CSMD1: variants seen among roughly 807,000 people sequenced by gnomAD.
CSMD1 encodes the protein CUB and sushi domain-containing protein 1.
A neutral mutation model predicts 417.5 loss-of-function variants in CSMD1; 213 were observed. The ratio of observed to expected loss-of-function variants is 0.51; its 90% confidence interval spans 0.46 to 0.57. CSMD1 has a LOEUF of 0.57. Ranked by LOEUF, CSMD1 falls within the 20% of genes least tolerant of loss-of-function variation. The pLI, the probability that CSMD1 is intolerant of heterozygous loss-of-function variation, is 0.00. For synonymous variants in CSMD1, 2,862 were observed against 1,736.8 expected (o/e 1.65, Z -16.11); for missense variants, 6,923 against 4,529.7 (o/e 1.53, Z -15.17).
At chr8:3,336,354 G>A (rs777178043) in intron 23 of CSMD1, among the ~76,000 whole-genome samples, 15 of 152,192 alleles carry the variant, frequency 9.9e-5, no homozygotes, top group Non-Finnish European at 1.6e-4. Flanking sequence ...CAAGAGACAT[G>A]TGTCACCTTC....
At chr8:4,958,134 A>G (rs1809243791) in intron 1 of CSMD1, among the ~76,000 whole-genome samples, 1 of 151,206 alleles carries the variant, frequency 6.6e-6, no homozygotes, top group South Asian at 2.1e-4. Context: ...TCCTGTCCTT[A>G]GAACATATGT....
intron 7 of CSMD1, among the ~76,000 whole-genome samples, chr8:3,693,550 A>T (rs1800371487): frequency 1.3e-5 from 2 of 152,166 alleles, no homozygotes; most frequent in Admixed American, 1.3e-4. Context: ...TGAGCCCTAC[A>T]ATGTCCCCAG....
At chr8:3,641,143 CG>C (rs1563224892) in intron 7 of CSMD1, among the ~76,000 whole-genome samples, 1 of 150,870 alleles carries the variant, frequency 6.6e-6, no homozygotes, top group African/African-American at 2.4e-5. Context: ...TCAGACAGAC[CG>C]GTTCTCTGAA....
At chr8:3,651,196 C>T (rs1038326224) in intron 7 of CSMD1, among the ~76,000 whole-genome samples, 2 of 152,170 alleles carry the variant, frequency 1.3e-5, no homozygotes, top group Non-Finnish European at 2.9e-5. Flanking sequence ...AATGTATTCT[C>T]AACACAGCTC....
chr8:2,994,673 A>C (rs1303281340), intron 54 of CSMD1, among the ~76,000 whole-genome samples: 2 of 152,238 alleles, frequency 1.3e-5, no homozygotes, highest in East Asian at 3.8e-4. Context: ...ACATAGAAAC[A>C]CACAGTAAAG....
At chr8:4,606,565 C>G (rs1800880706) in intron 2 of CSMD1, among the ~76,000 whole-genome samples, 1 of 152,298 alleles carries the variant, frequency 6.6e-6, no homozygotes, top group East Asian at 1.9e-4. Context: ...AAACACAGCA[C>G]TGTTCTCTCA....
chr8:4,235,615 G>A (rs927579462), intron 3 of CSMD1, among the ~76,000 whole-genome samples: 8 of 152,032 alleles, frequency 5.3e-5, no homozygotes, highest in Non-Finnish European at 7.4e-5. Flanking sequence ...TCATGACACT[G>A]GCCTGCTCAA....
chr8:3,343,040 A>C (rs1807765160), intron 23 of CSMD1, among the ~76,000 whole-genome samples: 1 of 152,120 alleles, frequency 6.6e-6, no homozygotes. Context: ...ATCAGATCTA[A>C]AATGTTGTAA....
At chr8:4,510,425 A>T (rs1440600449) in intron 2 of CSMD1, among the ~76,000 whole-genome samples, 2 of 125,012 alleles carry the variant, frequency 1.6e-5, no homozygotes, top group Non-Finnish European at 3.5e-5. Context: ...AAAAAAAAGC[A>T]AATACTTTGT....
At chr8:4,297,104 C>T (rs1439021485) in intron 3 of CSMD1, among the ~76,000 whole-genome samples, 3 of 151,530 alleles carry the variant, frequency 2.0e-5, no homozygotes, top group Non-Finnish European at 2.9e-5. Flanking sequence ...TCTAGAGCAT[C>T]GTAGGTGTAA....
intron 10 of CSMD1, among the ~76,000 whole-genome samples, chr8:3,526,210 T>C (rs539046525): frequency 6.6e-6 from 1 of 152,280 alleles, no homozygotes; most frequent in East Asian, 1.9e-4. Context: ...ATCATAAGAC[T>C]ACATCGTTTT....
chr8:3,596,153 G>C (rs893282718), intron 8 of CSMD1, among the ~76,000 whole-genome samples: 2 of 152,194 alleles, frequency 1.3e-5, no homozygotes, highest in Non-Finnish European at 2.9e-5. Context: ...ACAGTGAGGA[G>C]TGTCGGAGGC....
intron 42 of CSMD1, among the ~76,000 whole-genome samples, chr8:3,114,832 CAT>C (rs1383409248): frequency 6.6e-6 from 1 of 152,130 alleles, no homozygotes. Flanking sequence ...TTGCATTTCT[CAT>C]GTCAATTTTG....
intron 10 of CSMD1, among the ~76,000 whole-genome samples, chr8:3,523,691 A>G (rs370647010): frequency 4.1e-4 from 62 of 152,054 alleles, no homozygotes; most frequent in African/African-American, 1.4e-3. Context: ...CCAGAGAGAC[A>G]TATGCACACA....
chr8:3,067,374 G>A (rs1413993649), intron 49 of CSMD1, among the ~76,000 whole-genome samples: 1 of 152,044 alleles, frequency 6.6e-6, no homozygotes, highest in African/African-American at 2.4e-5. Context: ...TCTCATCATA[G>A]TCCACTGTAG....
chr8:3,683,891 G>A (rs1799797448), intron 7 of CSMD1, among the ~76,000 whole-genome samples: 1 of 151,822 alleles, frequency 6.6e-6, no homozygotes, highest in African/African-American at 2.4e-5. Flanking sequence ...TTTATTTGAT[G>A]TTTATTGATT....
intron 20 of CSMD1, among the ~76,000 whole-genome samples, chr8:3,364,188 C>G (rs546087178): frequency 6.6e-6 from 1 of 152,174 alleles, no homozygotes; most frequent in East Asian, 1.9e-4. Context: ...ATCAGTGTCA[C>G]TGGCAATTGT....
intron 46 of CSMD1, among the ~76,000 whole-genome samples, chr8:3,104,343 C>G (rs1815972739): frequency 6.6e-6 from 1 of 152,126 alleles, no homozygotes; most frequent in South Asian, 2.1e-4. Context: ...TGACTTGGAT[C>G]TCCTGACTTT....
At chr8:4,509,752 T>C (rs943607292) in intron 2 of CSMD1, among the ~76,000 whole-genome samples, 7 of 152,164 alleles carry the variant, frequency 4.6e-5, no homozygotes, top group African/African-American at 1.7e-4. Context: ...ATGATTTACT[T>C]AGTTGTCACA....
Sources: gnomAD v4.1 joint callset for allele counts (sites outside exome capture counted in the v4.1 genomes callset) on GRCh38, gnomAD v4.1.1 for gene constraint, MANE v1.5 for transcripts, NCBI Gene and HGNC (gene_info 2026-07-23, HGNC 2026-07-21) for gene names.